The following ADAMTSL1 variants were observed in gnomAD, a reference collection of about 807,000 sequenced individuals.
ADAMTSL1 encodes ADAMTS-like protein 1.
Under a neutral mutation model 201.8 loss-of-function variants are expected in ADAMTSL1, and 126 were observed. The observed-to-expected ratio is 0.62, with a 90% CI of 0.54 to 0.72. The LOEUF (loss-of-function observed/expected upper bound fraction) is 0.72, where lower values mean the gene tolerates loss of function less well. ADAMTSL1 is among the 30% of genes least tolerant of loss of function. ADAMTSL1 has a pLI of 0.00. For missense variants in ADAMTSL1, 2,679 were observed against 2,277.8 expected (o/e 1.18, Z -3.59); for synonymous variants, 1,121 against 903.4 (o/e 1.24, Z -4.32).
At chr9:18,018,087 A>G (rs1479977617) in intron 1 of ADAMTSL1, among the ~76,000 whole-genome samples, 1 of 152,106 alleles carries the variant, frequency 6.6e-6, no homozygotes, top group Non-Finnish European at 1.5e-5. Context: ...TTGTAAAAAG[A>G]AACTACACAT....
intron 2 of ADAMTSL1, among the ~76,000 whole-genome samples, chr9:18,172,313 T>A (rs1587221034): frequency 6.6e-6 from 1 of 151,962 alleles, no homozygotes; most frequent in African/African-American, 2.4e-5. Flanking sequence ...CTTAAAAAGA[T>A]GAACAGCCCA....
intron 24 of ADAMTSL1, 36 bp from the exon 25 acceptor site, chr9:18,889,525 TTATGCTA>T: frequency 6.3e-6 from 10 of 1,598,626 alleles, no homozygotes; most frequent in Non-Finnish European, 8.5e-6. Context: ...GTGTGGGCAA[TTATGCTA>T]TATTCTTTTC....
chr9:18,051,160 G>A (rs1025637492), intron 1 of ADAMTSL1, among the ~76,000 whole-genome samples: 1 of 152,168 alleles, frequency 6.6e-6, no homozygotes, highest in Non-Finnish European at 1.5e-5. Flanking sequence ...AATTAGCCGG[G>A]TGTGGTGGCG....
At chr9:18,274,317 G>A (rs1488391319) in intron 2 of ADAMTSL1, among the ~76,000 whole-genome samples, 1 of 152,152 alleles carries the variant, frequency 6.6e-6, no homozygotes, top group Non-Finnish European at 1.5e-5. Context: ...TAATAATGTA[G>A]CGTTGTTGAG....
chr9:17,984,432 A>G (rs567138424), intron 1 of ADAMTSL1, among the ~76,000 whole-genome samples: 106 of 152,040 alleles, frequency 7.0e-4, no homozygotes, highest in African/African-American at 2.5e-3. Context: ...TTTCTTTACT[A>G]GTTTCTTTTG....
chr9:17,914,198 G>T (rs1210701270), intron 1 of ADAMTSL1, among the ~76,000 whole-genome samples: 1 of 152,066 alleles, frequency 6.6e-6, no homozygotes, highest in Non-Finnish European at 1.5e-5. Flanking sequence ...TGATACCAAA[G>T]CCTGGCGGAG....
intron 2 of ADAMTSL1, among the ~76,000 whole-genome samples, chr9:18,353,150 G>A (rs998463933): frequency 6.6e-6 from 1 of 152,206 alleles, no homozygotes; most frequent in Non-Finnish European, 1.5e-5. Flanking sequence ...GGGCACAAGG[G>A]AGGCCCTGAG....
chr9:18,368,802 G>A (rs1286681397), intron 2 of ADAMTSL1, among the ~76,000 whole-genome samples: 1 of 152,126 alleles, frequency 6.6e-6, no homozygotes, highest in Non-Finnish European at 1.5e-5. Flanking sequence ...ATTTACTGCA[G>A]ATATGTAAAA....
At chr9:18,234,838 C>G (rs1183048192) in intron 2 of ADAMTSL1, among the ~76,000 whole-genome samples, 1 of 152,146 alleles carries the variant, frequency 6.6e-6, no homozygotes, top group Non-Finnish European at 1.5e-5. Context: ...TATCCAATAC[C>G]TTGCTGCAAT....
At chr9:18,390,691 C>T (rs2133220468) in intron 2 of ADAMTSL1, among the ~76,000 whole-genome samples, 1 of 152,266 alleles carries the variant, frequency 6.6e-6, no homozygotes, top group Non-Finnish European at 1.5e-5. Flanking sequence ...TCTTCCCCAC[C>T]TCCCAGTGGA....
chr9:18,075,981 T>C (rs557353604), intron 1 of ADAMTSL1, among the ~76,000 whole-genome samples: 1 of 152,326 alleles, frequency 6.6e-6, no homozygotes, highest in Admixed American at 6.5e-5. Context: ...ACCTAAGTAA[T>C]AGCATCTAAA....
At chr9:18,863,470 T>A (rs766457421) in intron 23 of ADAMTSL1, among the ~76,000 whole-genome samples, 1 of 152,188 alleles carries the variant, frequency 6.6e-6, no homozygotes, top group African/African-American at 2.4e-5. Context: ...AAGTTAGTTT[T>A]CTTTGGGAAA....
chr9:18,472,752 T>C (rs374822619), upstream of ADAMTSL1, among the ~76,000 whole-genome samples: 4 of 152,358 alleles, frequency 2.6e-5, no homozygotes, highest in African/African-American at 9.6e-5. Context: ...ACATTAATTC[T>C]AAATGTCTTG....
At chr9:18,876,513 C>T (rs1381552126) in intron 23 of ADAMTSL1, among the ~76,000 whole-genome samples, 1 of 152,102 alleles carries the variant, frequency 6.6e-6, no homozygotes, top group Non-Finnish European at 1.5e-5. Flanking sequence ...ATGTATGATG[C>T]TTAGTTTCAC....
intron 3 of ADAMTSL1, among the ~76,000 whole-genome samples, chr9:18,571,835 A>T (rs1822321757): frequency 6.6e-6 from 1 of 152,234 alleles, no homozygotes; most frequent in Non-Finnish European, 1.5e-5. Flanking sequence ...CATTAAGACA[A>T]TATTAAATCA....
In ADAMTSL1 at chr9:18,718,488, C is replaced by T. The variant is rs543981661; in HGVS notation, c.1877-3048C>T. The T allele has an allele frequency of 1.7e-3, 948 of 570,878 alleles. 12 individuals are homozygous for T. Among genetic ancestry groups the T allele is most frequent in the South Asian group, 0.012 (881 of 71,410 alleles). The allele number at this position is 570,878 out of a possible 1,614,324, so 35.4% of individuals were successfully genotyped here. A position where few individuals can be genotyped will look rare whatever the true frequency, so the allele number is the denominator to read the frequency against. On this transcript the variant is annotated intron_variant, in intron 14 of 28. Coordinates refer to ENST00000380548, the MANE Select transcript of ADAMTSL1 (RefSeq NM_001040272.6). Reference sequence around the variant, plus strand: ...TGTACATTCAAAGCAGACTTTCCAACGCCTCCTGGGCCAAGAATGACTAGC... The same window carrying T: ...TGTACATTCAAAGCAGACTTTCCAATGCCTCCTGGGCCAAGAATGACTAGC...
Position 18,372,167 on chromosome 9 carries a change from C to G in ADAMTSL1, c.208-132662C>G, listed in dbSNP as rs187932580. ...AGCAAAATAAAATTTGTCTACCGTA[C>G]AGCACTTAAAACAAGAGGGAATACA... On this transcript the variant is annotated intron_variant, in intron 2 of 29. Transcript: ENST00000680146. Among the ~76,000 whole-genome samples the G allele has an allele frequency of 5.0e-4, 76 of 152,260 alleles. 1 individual carries two copies. The highest frequency in any genetic ancestry group is 8.5e-4 in the Admixed American group (13 of 15,294).
At chr9:17,932,075 C>A (rs1004638186) in intron 1 of ADAMTSL1, among the ~76,000 whole-genome samples, 1 of 152,170 alleles carries the variant, frequency 6.6e-6, no homozygotes, top group Admixed American at 6.5e-5. Context: ...TGGCAACATG[C>A]CATTTCCTGC....
At chr9:18,856,444 C>A (rs968327086) in intron 23 of ADAMTSL1, among the ~76,000 whole-genome samples, 2 of 147,948 alleles carry the variant, frequency 1.4e-5, no homozygotes, top group African/African-American at 2.5e-5. Flanking sequence ...CTGGTTGTTG[C>A]CAAATGATAA....
Sources: gnomAD v4.1 joint callset for allele counts (sites outside exome capture counted in the v4.1 genomes callset) on GRCh38, gnomAD v4.1.1 for gene constraint, MANE v1.5 for transcripts, NCBI Gene and HGNC (gene_info 2026-07-23, HGNC 2026-07-21) for gene names.